PIGN: variants seen among roughly 807,000 people sequenced by gnomAD.
PIGN encodes the protein phosphatidylinositol glycan anchor biosynthesis class N.
PIGN carries 117 observed loss-of-function variants against 125.4 expected under a neutral mutation model. The observed-to-expected ratio is 0.93, with a 90% CI of 0.80 to 1.09. PIGN has a LOEUF of 1.09. Among genes scored for constraint, PIGN ranks in the 50% least tolerant of loss-of-function variants. The pLI, the probability that PIGN is intolerant of heterozygous loss-of-function variation, is 0.00. For synonymous variants in PIGN, 392 were observed against 377.8 expected (o/e 1.04, Z -0.44); for missense variants, 1,075 against 1,094.9 (o/e 0.98, Z 0.26).
intron 14 of PIGN, among the ~76,000 whole-genome samples, chr18:62,129,218 T>C (rs2035643963): frequency 6.6e-6 from 1 of 152,198 alleles, no homozygotes; most frequent in Non-Finnish European, 1.5e-5. Context: ...TTTATACCAA[T>C]GAAATTGGCA....
At chr18:62,046,952 T>C (rs928917422) in intron 30 of PIGN, among the ~76,000 whole-genome samples, 2 of 152,094 alleles carry the variant, frequency 1.3e-5, no homozygotes, top group Admixed American at 6.6e-5. Flanking sequence ...ATTTCCTGAA[T>C]TTTCTTTTGC....
intron 30 of PIGN, chr18:62,051,903 C>G (rs946971846): frequency 4.6e-5 from 7 of 152,038 alleles, no homozygotes; most frequent in African/African-American, 1.7e-4. Flanking sequence ...TATGTTGTGT[C>G]TTTGTTCTCA....
chr18:62,040,360 G>C (rs2030337590), downstream of PIGN, among the ~76,000 whole-genome samples: 1 of 152,164 alleles, frequency 6.6e-6, no homozygotes, highest in African/African-American at 2.4e-5. Context: ...TCTTGGCTTT[G>C]ACAGTTTCTC....
chr18:62,150,717 T>C (rs986768637), intron 7 of PIGN, among the ~76,000 whole-genome samples: 4 of 151,908 alleles, frequency 2.6e-5, no homozygotes, highest in African/African-American at 9.7e-5. Context: ...TTGTTTGTTT[T>C]TGAGACGGAG....
intron 30 of PIGN, chr18:62,069,887 G>T (rs1346261108): frequency 6.6e-6 from 1 of 151,970 alleles, no homozygotes; most frequent in African/African-American, 2.4e-5. Context: ...AAAAATAAAA[G>T]AAAAAGTCTC....
intron 30 of PIGN, among the ~76,000 whole-genome samples, chr18:62,049,523 G>A (rs1178527022): frequency 3.3e-5 from 5 of 151,814 alleles, no homozygotes; most frequent in Non-Finnish European, 7.4e-5. Context: ...GTCTGTCCAT[G>A]TCCTTCGCCC....
intron 23 of PIGN, among the ~76,000 whole-genome samples, chr18:62,019,440 T>C (rs1377730159): frequency 6.6e-6 from 1 of 152,256 alleles, no homozygotes; most frequent in Non-Finnish European, 1.5e-5. Context: ...GAATCTGTGA[T>C]TAACTTGTGA....
chr18:62,067,704 AT>A (rs1390193672), intron 30 of PIGN, among the ~76,000 whole-genome samples: 1 of 152,158 alleles, frequency 6.6e-6, no homozygotes, highest in East Asian at 1.9e-4. Context: ...CAATAGCACA[AT>A]TTGTTTACCC....
At chr18:62,138,222 A>G (rs1177901037) in intron 14 of PIGN, 21 bp downstream of exon 14, 2 of 1,538,956 alleles carry the variant, frequency 1.3e-6, no homozygotes, top group Non-Finnish European at 1.7e-6. Flanking sequence ...TCAAGTTAAT[A>G]AAAAAATGTA....
At chr18:62,048,162 C>A (rs985358507) in intron 30 of PIGN, among the ~76,000 whole-genome samples, 3 of 151,736 alleles carry the variant, frequency 2.0e-5, no homozygotes, top group South Asian at 4.2e-4. Context: ...GCCTGAAAAA[C>A]AAAAATAGAT....
intron 20 of PIGN, among the ~76,000 whole-genome samples, chr18:62,104,776 G>T (rs928461720): frequency 6.6e-6 from 1 of 152,086 alleles, no homozygotes; most frequent in African/African-American, 2.4e-5. Flanking sequence ...TTTAAAAAAT[G>T]CTTATAGCAT....
chr18:62,104,331 T>C (rs2034557548), intron 20 of PIGN, among the ~76,000 whole-genome samples: 2 of 152,118 alleles, frequency 1.3e-5, no homozygotes, highest in African/African-American at 2.4e-5. Flanking sequence ...TAAATTCTGC[T>C]CAACTATGGC....
At chr18:62,110,685 A>T (rs1226440324) in intron 16 of PIGN, among the ~76,000 whole-genome samples, 1 of 152,078 alleles carries the variant, frequency 6.6e-6, no homozygotes, top group Non-Finnish European at 1.5e-5. Context: ...TGGCGAGTTC[A>T]GTCTGCCTTT....
chr18:62,158,037 A>G, intron 4 of PIGN: 1 of 426,826 alleles, frequency 2.3e-6, no homozygotes, highest in Non-Finnish European at 4.3e-6. Flanking sequence ...GAACCATTCA[A>G]CCACTGCACA....
intron 7 of PIGN, among the ~76,000 whole-genome samples, chr18:62,150,364 T>C (rs2036484312): frequency 6.6e-6 from 1 of 152,198 alleles, no homozygotes; most frequent in Non-Finnish European, 1.5e-5. Flanking sequence ...AATATGTCAA[T>C]GTATGAACAG....
chr18:62,098,706 C>A (rs531066751), intron 22 of PIGN, among the ~76,000 whole-genome samples: 11 of 152,210 alleles, frequency 7.2e-5, no homozygotes, highest in African/African-American at 2.4e-4. Flanking sequence ...GATGACTTAC[C>A]TATGAGTTAA....
chr18:62,056,944 T>C (rs1025070121), intron 30 of PIGN: 1 of 152,252 alleles, frequency 6.6e-6, no homozygotes, highest in African/African-American at 2.4e-5. Context: ...TATGAAAATA[T>C]AACGAATGCC....
rs9962244 is a variant in PIGN at position 62,084,351 on chromosome 18, T to A, written c.2502+180A>T. Among the ~76,000 whole-genome samples, 1,518 of 152,286 alleles carry A rather than the reference T, an allele frequency of 1.0e-2. 19 individuals carry two copies. The highest frequency in any genetic ancestry group is 0.048 in the East Asian group (251 of 5,182). ...ACTCTTTTGAAGTCAAATGCACTTA[T>A]GAGTAAAGCAAAAAGATTAACTGTG... On this transcript the variant is annotated intron_variant, in intron 27 of 30. Transcript: ENST00000640252.
chr18:62,095,965 A>T lies in PIGN; in HGVS notation c.2078-15T>A, dbSNP rs2146210005. On this transcript the variant is annotated splice_polypyrimidine_tract_variant and intron_variant, in intron 22 of 30. Transcript: ENST00000640252. The stretch of plus-strand genomic sequence containing the variant: ...CAAGGAAGAGGCTGCAATGAAACAG[A>T]ACAGGTCATCTGTCAGTATAAGAGA... The T allele has an allele frequency of 6.5e-7, 1 of 1,530,450 alleles. No homozygotes were observed. Among genetic ancestry groups the T allele is most frequent in the South Asian group, 1.1e-5 (1 of 89,106 alleles). The allele number at this position is 1,530,450 out of a possible 1,614,324, so 94.8% of individuals were successfully genotyped here. A position where few individuals can be genotyped will look rare whatever the true frequency, so the allele number is the denominator to read the frequency against.
Sources: gnomAD v4.1 joint callset for allele counts (sites outside exome capture counted in the v4.1 genomes callset) on GRCh38, gnomAD v4.1.1 for gene constraint, MANE v1.5 for transcripts, NCBI Gene and HGNC (gene_info 2026-07-23, HGNC 2026-07-21) for gene names.